GLRA3: variants seen among roughly 807,000 people sequenced by gnomAD.
GLRA3 encodes glycine receptor alpha 3.
In GLRA3, 44 loss-of-function variants were observed where a neutral mutation model predicts 60.4. The ratio of observed to expected loss-of-function variants is 0.73; its 90% CI spans 0.57 to 0.94. The LOEUF is 0.94. Among genes scored for constraint, GLRA3 ranks in the 40% least tolerant of loss-of-function variants. The pLI is 0.00. For missense variants in GLRA3, 508 were observed against 564.6 expected (o/e 0.90, Z 1.02); for synonymous variants, 223 against 192.9 (o/e 1.16, Z -1.29).
intron 2 of GLRA3, among the ~76,000 whole-genome samples, 181 bp from the exon 3 acceptor site, chr4:174,767,211 A>T (rs2111238423): frequency 6.6e-6 from 1 of 151,940 alleles, no homozygotes; most frequent in East Asian, 1.9e-4. Context: ...GAGAATCACA[A>T]GGTTCACAAG....
chr4:174,742,219 G>A (rs1003821788), intron 3 of GLRA3, among the ~76,000 whole-genome samples: 1 of 152,136 alleles, frequency 6.6e-6, no homozygotes, highest in African/African-American at 2.4e-5. Context: ...AGTAGAAGCT[G>A]TGTGAATGGA....
At chr4:174,710,872 C>T (rs116497864) in intron 5 of GLRA3, among the ~76,000 whole-genome samples, 2,375 of 151,416 alleles carry the variant, frequency 0.016, 62 homozygotes, top group African/African-American at 0.054. Context: ...TTTTGTGATT[C>T]TTTGGACACT....
intron 7 of GLRA3, among the ~76,000 whole-genome samples, chr4:174,674,257 A>G (rs995484069): frequency 3.7e-4 from 57 of 152,086 alleles, no homozygotes; most frequent in Admixed American, 1.6e-3. Flanking sequence ...GATCATTACC[A>G]TCTTTTCTCA....
chr4:174,726,362 A>G (rs921589764), intron 4 of GLRA3, among the ~76,000 whole-genome samples: 1 of 152,112 alleles, frequency 6.6e-6, no homozygotes, highest in Non-Finnish European at 1.5e-5. Context: ...CCTCAATACC[A>G]CCTGGTAAGA....
At chr4:174,665,897 A>C (rs1230033960) in intron 7 of GLRA3, among the ~76,000 whole-genome samples, 1 of 152,158 alleles carries the variant, frequency 6.6e-6, no homozygotes, top group Non-Finnish European at 1.5e-5. Flanking sequence ...ATATGCCAGG[A>C]AATGCTCTTC....
chr4:174,687,496 GT>G (rs1411803444), intron 5 of GLRA3, among the ~76,000 whole-genome samples: 1 of 152,052 alleles, frequency 6.6e-6, no homozygotes, highest in African/African-American at 2.4e-5. Context: ...TATTTTTTAT[GT>G]GAAAAAAATG....
At chr4:174,671,519 A>G (rs1733908444) in intron 7 of GLRA3, among the ~76,000 whole-genome samples, 1 of 152,162 alleles carries the variant, frequency 6.6e-6, no homozygotes, top group Non-Finnish European at 1.5e-5. Context: ...CTGTGTGCCA[A>G]CACAATTGTG....
At chr4:174,718,744 T>C (rs1736019223) in intron 4 of GLRA3, among the ~76,000 whole-genome samples, 1 of 152,160 alleles carries the variant, frequency 6.6e-6, no homozygotes, top group Admixed American at 6.5e-5. Flanking sequence ...AACACATCTA[T>C]TAGACAATGT....
Position 174,828,858 on chromosome 4 carries a change from A to T in GLRA3, c.-47T>A, listed in dbSNP as rs757642157. On this transcript the variant is annotated 5_prime_UTR_variant, in exon 1 of 10. The change abolishes an upstream ATG in the 5' untranslated region. Transcript: ENST00000274093. ...TCCTGAAAATAGTCTTATCCAAGGCATGGGGAACCAGAAAGACAGAATGAA... is the reference window on the plus strand; with the variant it reads ...TCCTGAAAATAGTCTTATCCAAGGCTTGGGGAACCAGAAAGACAGAATGAA... 2.1e-5 allele frequency: 26 copies of T among 1,210,600 alleles called. No homozygotes were observed. The highest frequency in any genetic ancestry group is 3.1e-5 in the Non-Finnish European group (25 of 811,462). The allele number at this position is 1,210,600 out of a possible 1,614,324, so 75.0% of individuals were successfully genotyped here.
chr4:174,828,826 T>C lies in GLRA3; in HGVS notation c.-15A>G, dbSNP rs754375882. The C allele has an allele frequency of 6.4e-7, 1 of 1,568,670 alleles. No homozygotes were observed. The highest frequency in any genetic ancestry group is 8.8e-7 in the Non-Finnish European group (1 of 1,138,728). On this transcript the variant is annotated 5_prime_UTR_variant, in exon 1 of 10. Transcript: ENST00000274093. ...ACGTGGGCCATGATACGGAGAGATA[T>C]TCACGATCCTGAAAATAGTCTTATC...
chr4:174,674,713 T>C (rs905857863), intron 7 of GLRA3, among the ~76,000 whole-genome samples: 31 of 152,208 alleles, frequency 2.0e-4, no homozygotes, highest in African/African-American at 7.5e-4. Context: ...TTCCTGAATG[T>C]AACTTTGTTT....
chr4:174,735,521 T>C (rs917520569), intron 3 of GLRA3, among the ~76,000 whole-genome samples: 2 of 150,776 alleles, frequency 1.3e-5, no homozygotes, highest in African/African-American at 5.0e-5. Context: ...AAAATAAACA[T>C]AATCGTTTAC....
At chr4:174,653,103 T>C (rs1397091485) in intron 9 of GLRA3, among the ~76,000 whole-genome samples, 1 of 152,086 alleles carries the variant, frequency 6.6e-6, no homozygotes, top group Non-Finnish European at 1.5e-5. Context: ...TACTTTTTTG[T>C]AACTTTATTA....
At chr4:174,793,419 CATTCATTTATTTATTTATTTATTT>C (rs1739437128) in intron 1 of GLRA3, among the ~76,000 whole-genome samples, 1 of 89,764 alleles carries the variant, frequency 1.1e-5, no homozygotes, top group African/African-American at 6.5e-5. Flanking sequence ...TCAAAATTTA[CATTCATTTATTTATTTATTTATTT>C]ATTTATTTAT....
intron 2 of GLRA3, among the ~76,000 whole-genome samples, chr4:174,775,889 GA>G (rs1172164101): frequency 7.3e-5 from 5 of 68,624 alleles, no homozygotes; most frequent in Non-Finnish European, 1.0e-4. Context: ...AAAAATAATG[GA>G]AAAAAAATAA....
At chr4:174,662,235 A>T (rs1733476106) in intron 7 of GLRA3, among the ~76,000 whole-genome samples, 1 of 152,216 alleles carries the variant, frequency 6.6e-6, no homozygotes, top group Non-Finnish European at 1.5e-5. Context: ...AGATGTGTAA[A>T]ATGCTGTCAT....
chr4:174,793,432 AT>A (rs1233817934), intron 1 of GLRA3, among the ~76,000 whole-genome samples: 1 of 142,838 alleles, frequency 7.0e-6, no homozygotes, highest in African/African-American at 2.6e-5. Context: ...TCATTTATTT[AT>A]TTATTTATTT....
Position 174,643,730 on chromosome 4 carries a change from A to G in GLRA3, c.*56T>C. ...CGCACACATATACACATACACACCT[A>G]TGGCAGAGACACTTTCTTCTGAATT... On this transcript the variant is annotated 3_prime_UTR_variant, in exon 10 of 10. Coordinates refer to ENST00000274093, the MANE Select transcript of GLRA3 (RefSeq NM_006529.4). 3 of 1,575,798 alleles carry G rather than the reference A, an allele frequency of 1.9e-6. No individual in the cohort carries two copies. Among genetic ancestry groups the G allele is most frequent in the Non-Finnish European group, 2.6e-6 (3 of 1,160,840 alleles).
rs73867689 is a variant in GLRA3, at chr4:174,732,789, A to G, written c.268-4091T>C. Reference sequence around the variant, plus strand: ...TCTCTCTCTCTCTCTATATATATATATATTTATGTGTATGTATGTATGTGT... The same window carrying G: ...TCTCTCTCTCTCTCTATATATATATGTATTTATGTGTATGTATGTATGTGT... On this transcript the variant is annotated intron_variant, in intron 3 of 9. Coordinates refer to ENST00000274093, the MANE Select transcript of GLRA3 (RefSeq NM_006529.4). 6.1e-3 allele frequency among the ~76,000 whole-genome samples: 922 copies of G among 151,988 alleles called. 17 individuals carry two copies. The highest frequency in any genetic ancestry group is 0.021 in the African/African-American group (888 of 41,462).
Sources: allele counts gnomAD v4.1 joint callset (sites outside exome capture counted in the v4.1 genomes callset), GRCh38; gene constraint gnomAD v4.1.1; transcripts MANE v1.5; gene names NCBI Gene and HGNC (gene_info 2026-07-23, HGNC 2026-07-21).